DARS2: variants seen among roughly 807,000 people sequenced by gnomAD.
The protein encoded by DARS2 is aspartate--tRNA ligase, mitochondrial.
A neutral mutation model predicts 83.0 loss-of-function variants in DARS2; 63 were observed. The observed-to-expected ratio is 0.76, with a 90% confidence interval of 0.62 to 0.94. The LOEUF is 0.94. DARS2 is among the 40% of genes least tolerant of loss of function. DARS2 has a pLI of 0.00. For synonymous variants in DARS2, 250 were observed against 269.3 expected (o/e 0.93, Z 0.70); for missense variants, 675 against 774.4 (o/e 0.87, Z 1.52).
At position 173,833,403 on chromosome 1, in the gene DARS2, C is replaced by T. The variant is rs752944272; in HGVS notation, c.520C>T (p.Arg174Cys). ...KKTEALRLQY[R>C]YLDLRSFQMQ... ...AACAGAGGCTCTTCGGTTGCAGTATCGCTACTTAGACTTGCGTAGTTTCCA... is the reference window on the plus strand; with the variant it reads ...AACAGAGGCTCTTCGGTTGCAGTATTGCTACTTAGACTTGCGTAGTTTCCA... Residue 174 changes from arginine to cysteine, a missense_variant, in exon 6 of 17, where the codon CGC (arginine) becomes TGC (cysteine). Coordinates refer to ENST00000649689, the MANE Select transcript of DARS2 (RefSeq NM_018122.5). 7 of 1,611,302 alleles carry T rather than the reference C, an allele frequency of 4.3e-6. No homozygotes were observed. Among genetic ancestry groups the T allele is most frequent in the Non-Finnish European group, 5.9e-6 (7 of 1,178,636 alleles).
At chr1:173,857,166 A>G (rs1297162820) in intron 16 of DARS2, among the ~76,000 whole-genome samples, 1 of 152,126 alleles carries the variant, frequency 6.6e-6, no homozygotes, top group Non-Finnish European at 1.5e-5. Context: ...GCTCACCTAG[A>G]TTGTAGGCCC....
intron 8 of DARS2, 130 bp from the exon 9 acceptor site, chr1:173,838,060 G>A (rs984458329): frequency 4.1e-5 from 31 of 757,256 alleles, no homozygotes; most frequent in East Asian, 5.5e-5. Flanking sequence ...GGTATGAGCC[G>A]CCATGCCCGG....
At chr1:173,833,168 ATATTAT>A (rs1447056476) in intron 5 of DARS2, among the ~76,000 whole-genome samples, 2 of 152,184 alleles carry the variant, frequency 1.3e-5, no homozygotes, top group African/African-American at 4.8e-5. Context: ...GTGAAGAGTG[ATATTAT>A]TAATAATGAA....
intron 13 of DARS2, among the ~76,000 whole-genome samples, chr1:173,851,471 C>T (rs752127956): frequency 2.6e-5 from 4 of 151,980 alleles, no homozygotes; most frequent in African/African-American, 4.8e-5. Flanking sequence ...TGTGGAGGGA[C>T]GGATCAGACC....
At chr1:173,843,813 G>C (rs980147482) in intron 11 of DARS2, among the ~76,000 whole-genome samples, 1 of 152,216 alleles carries the variant, frequency 6.6e-6, no homozygotes, top group Non-Finnish European at 1.5e-5. Flanking sequence ...CTAGAGGGCA[G>C]TGCCAGTGTG....
intron 5 of DARS2, among the ~76,000 whole-genome samples, chr1:173,832,057 T>C (rs1042594258): frequency 4.6e-5 from 7 of 152,170 alleles, no homozygotes; most frequent in African/African-American, 1.4e-4. Flanking sequence ...TAAATATAAA[T>C]AGGATTACCA....
At position 173,853,447 on chromosome 1, in the gene DARS2, G is replaced by A; in HGVS notation, c.1443G>A (p.Val481=). 6.2e-7 allele frequency: 1 copy of A among 1,614,044 alleles called. No homozygotes were observed. Among genetic ancestry groups the A allele is most frequent in the African/African-American group, 1.3e-5 (1 of 74,986 alleles). The part of the protein sequence containing the change: ...RDPTLFSFLW[V]VDFPLFLPKE... ...CCACTCTGTTCTCTTTCCTTTGGGT[G>A]GTAGATTTCCCACTCTTCCTGCCCA... The change falls in exon 14 of 17, where the codon GTG becomes GTA. Residue 481 remains valine (V), a synonymous_variant. Coordinates refer to ENST00000649689, the MANE Select transcript of DARS2 (RefSeq NM_018122.5).
chr1:173,857,587 C>A lies in DARS2; in HGVS notation c.1820C>A (p.Ser607Tyr). ...SIRDVIAFPKSFRGHDLMSNT... is the reference protein window; with the variant it reads ...SIRDVIAFPKYFRGHDLMSNT... ...AGAGATGTCATAGCCTTCCCAAAGT[C>A]CTTCCGGGGACATGACCTCATGAGC... Residue 607 changes from serine to tyrosine, a missense_variant, in exon 17 of 17, where the codon TCC (serine) becomes TAC (tyrosine). By Grantham distance (144) the Ser-to-Tyr change is moderately radical. Transcript: ENST00000649689. 2 of 1,614,186 alleles carry A rather than the reference C, an allele frequency of 1.2e-6. No individual in the cohort carries two copies. Among genetic ancestry groups the A allele is most frequent in the Non-Finnish European group, 8.5e-7 (1 of 1,180,018 alleles).
chr1:173,828,438 T>C (rs749729893), intron 3 of DARS2, 39 bp downstream of exon 3: 1 of 1,560,374 alleles, frequency 6.4e-7, no homozygotes, highest in South Asian at 1.1e-5. Context: ...AAAGCTTCTT[T>C]GATGCTATTG....
intron 1 of DARS2, 144 bp downstream of exon 1, chr1:173,825,500 G>C: frequency 1.9e-6 from 1 of 515,412 alleles, no homozygotes; most frequent in South Asian, 4.0e-5. Flanking sequence ...ACGGAGTCTC[G>C]CTCTGCTGCC....
intron 2 of DARS2, 21 bp from the exon 3 acceptor site, chr1:173,828,312 T>TGGGGGGGGGGGG: frequency 6.4e-7 from 1 of 1,551,354 alleles, no homozygotes; most frequent in Non-Finnish European, 8.8e-7. Context: ...AATGTTTCTT[T>TGGGGGGGGGGGG]TCCCCCCCCC....
chr1:173,832,127 T>C (rs1416374435), intron 5 of DARS2, among the ~76,000 whole-genome samples: 1 of 152,224 alleles, frequency 6.6e-6, no homozygotes, highest in Non-Finnish European at 1.5e-5. Context: ...ACTCATATGA[T>C]TTTCAGCTTT....
At chr1:173,846,338 A>G (rs1431084563) in intron 12 of DARS2, among the ~76,000 whole-genome samples, 3 of 151,958 alleles carry the variant, frequency 2.0e-5, no homozygotes, top group Admixed American at 2.0e-4. Flanking sequence ...CTCTAAATAA[A>G]TAAATATTAG....
At chr1:173,848,840 A>G (rs1653540362) in intron 12 of DARS2, among the ~76,000 whole-genome samples, 1 of 152,116 alleles carries the variant, frequency 6.6e-6, no homozygotes, top group Non-Finnish European at 1.5e-5. Context: ...AAATTATTTT[A>G]TTATCTAATG....
chr1:173,836,262 C>A (rs1481502655), intron 7 of DARS2, among the ~76,000 whole-genome samples: 3 of 151,724 alleles, frequency 2.0e-5, no homozygotes, highest in Non-Finnish European at 2.9e-5. Flanking sequence ...ACATTTCTGG[C>A]CGGGCGCAGT....
chr1:173,840,828 T>G, intron 10 of DARS2, 38 bp from the exon 11 acceptor site: 4 of 1,117,196 alleles, frequency 3.6e-6, no homozygotes, highest in Admixed American at 3.4e-5. Context: ...AAAAATTACT[T>G]CATATTTAGT....
intron 13 of DARS2, chr1:173,851,965 G>A: frequency 1.0e-6 from 1 of 985,292 alleles, no homozygotes; most frequent in African/African-American, 1.7e-5. Flanking sequence ...AAAGAACATG[G>A]GATTTTGTTC....
chr1:173,841,436 A>G (rs1653206742), intron 11 of DARS2, among the ~76,000 whole-genome samples: 1 of 152,074 alleles, frequency 6.6e-6, no homozygotes, highest in Non-Finnish European at 1.5e-5. Flanking sequence ...AACCATAAGT[A>G]GAGAACAATA....
intron 15 of DARS2, among the ~76,000 whole-genome samples, chr1:173,854,111 G>A (rs893970769): frequency 6.6e-6 from 1 of 152,092 alleles, no homozygotes; most frequent in African/African-American, 2.4e-5. Context: ...AAGTAGCTGT[G>A]ACTACAGGCA....
Sources: allele counts gnomAD v4.1 joint callset (sites outside exome capture counted in the v4.1 genomes callset), GRCh38; gene constraint gnomAD v4.1.1; transcripts MANE v1.5; gene names NCBI Gene and HGNC (gene_info 2026-07-23, HGNC 2026-07-21).